CNTNAP5: variants seen among roughly 807,000 people sequenced by gnomAD.
CNTNAP5 encodes the protein contactin associated protein family member 5, also known as contactin-associated protein-like 5.
Under a neutral mutation model 150.2 loss-of-function variants are expected in CNTNAP5, and 72 were observed. The ratio of observed to expected loss-of-function variants is 0.48; its 90% CI spans 0.40 to 0.58. CNTNAP5 has a LOEUF of 0.58. Among genes scored for constraint, CNTNAP5 ranks in the 20% least tolerant of loss-of-function variants. The probability of loss-of-function intolerance (pLI) is 0.00; values close to 1 mark genes in which losing one functional copy is unlikely to be tolerated. For missense variants in CNTNAP5, 1,636 were observed against 1,626.2 expected, an observed-to-expected ratio of 1.01 and a Z score of -0.10; for synonymous variants, 672 against 619.8, an observed-to-expected ratio of 1.08 and a Z score of -1.25.
chr2:124,063,292 C>T (rs1379803354), intron 1 of CNTNAP5, among the ~76,000 whole-genome samples: 3 of 152,064 alleles, frequency 2.0e-5, no homozygotes, highest in African/African-American at 4.8e-5. Flanking sequence ...CCATCTCTGT[C>T]CATCTAGTTA....
intron 1 of CNTNAP5, among the ~76,000 whole-genome samples, chr2:124,204,292 T>C (rs1409872305): frequency 1.3e-5 from 2 of 152,198 alleles, no homozygotes; most frequent in Non-Finnish European, 1.5e-5. Flanking sequence ...CTCATCTTCA[T>C]CTGAGACCAC....
chr2:124,896,599 C>T (rs1678310240), intron 21 of CNTNAP5, among the ~76,000 whole-genome samples: 1 of 151,214 alleles, frequency 6.6e-6, no homozygotes, highest in African/African-American at 2.5e-5. Flanking sequence ...AGTGCAGTGG[C>T]CCAATCTCAG....
intron 1 of CNTNAP5, among the ~76,000 whole-genome samples, chr2:124,072,373 C>T (rs777006533): frequency 2.0e-5 from 3 of 151,774 alleles, no homozygotes; most frequent in Non-Finnish European, 4.4e-5. Flanking sequence ...ACTGGTAGTC[C>T]TAGCTAGAAC....
At chr2:124,879,608 T>C (rs1677927249) in intron 21 of CNTNAP5, among the ~76,000 whole-genome samples, 1 of 152,162 alleles carries the variant, frequency 6.6e-6, no homozygotes, top group Admixed American at 6.6e-5. Flanking sequence ...CTTGGTTTCC[T>C]CATCTGTAAA....
At chr2:124,038,887 G>T (rs1290902951) in intron 1 of CNTNAP5, among the ~76,000 whole-genome samples, 1 of 152,196 alleles carries the variant, frequency 6.6e-6, no homozygotes, top group East Asian at 1.9e-4. Flanking sequence ...CATGGTCCAT[G>T]CCTGGCTGGT....
intron 13 of CNTNAP5, among the ~76,000 whole-genome samples, chr2:124,669,573 T>C (rs1305844007): frequency 2.0e-5 from 3 of 152,178 alleles, no homozygotes; most frequent in African/African-American, 7.2e-5. Flanking sequence ...CAAATTTAGA[T>C]CTCCAGCCAA....
intron 1 of CNTNAP5, among the ~76,000 whole-genome samples, chr2:124,163,805 A>G (rs560493071): frequency 6.6e-6 from 1 of 152,174 alleles, no homozygotes; most frequent in African/African-American, 2.4e-5. Context: ...CTCTTCTTCC[A>G]TGAAGAACAA....
chr2:124,475,795 T>C (rs1693625697), intron 7 of CNTNAP5, among the ~76,000 whole-genome samples: 1 of 152,144 alleles, frequency 6.6e-6, no homozygotes, highest in Non-Finnish European at 1.5e-5. Context: ...GAAGTAAGTT[T>C]CTTGTAAACA....
At chr2:124,487,588 A>G (rs1164622972) in intron 7 of CNTNAP5, among the ~76,000 whole-genome samples, 1 of 152,018 alleles carries the variant, frequency 6.6e-6, no homozygotes, top group Non-Finnish European at 1.5e-5. Context: ...CAGCAGCCCC[A>G]GAAGATGACT....
At chr2:124,184,436 A>T (rs1472053017) in intron 1 of CNTNAP5, among the ~76,000 whole-genome samples, 1 of 152,198 alleles carries the variant, frequency 6.6e-6, no homozygotes, top group Non-Finnish European at 1.5e-5. Flanking sequence ...CTTTTCTTTC[A>T]GTATCAACAT....
At chr2:124,410,204 T>C (rs1394021719) in intron 3 of CNTNAP5, among the ~76,000 whole-genome samples, 5 of 149,482 alleles carry the variant, frequency 3.3e-5, no homozygotes, top group African/African-American at 1.2e-4. Context: ...ATGCACCCAA[T>C]ACAGGAGCAC....
chr2:124,609,169 T>C (rs935596260), intron 11 of CNTNAP5, among the ~76,000 whole-genome samples: 6 of 152,080 alleles, frequency 3.9e-5, no homozygotes, highest in Non-Finnish European at 8.8e-5. Flanking sequence ...AAGCTCAGTA[T>C]ACAGTGGGAG....
At chr2:124,175,790 C>T (rs1171038990) in intron 1 of CNTNAP5, among the ~76,000 whole-genome samples, 1 of 152,170 alleles carries the variant, frequency 6.6e-6, no homozygotes, top group Non-Finnish European at 1.5e-5. Context: ...GCAAAATATT[C>T]CATTGTGTAT....
Position 124,488,994 on chromosome 2 carries a change from T to C in CNTNAP5, c.1062+14112T>C, listed in dbSNP as rs558859628. ...GGACCTAATTAAAAAGAGCCCTGTG[T>C]GTGGCAGAAGATGTGGCTTCTCCAG... On this transcript the variant is annotated intron_variant, in intron 7 of 23. Coordinates refer to ENST00000682447, the MANE Select transcript of CNTNAP5 (RefSeq NM_001367498.1). Among the ~76,000 whole-genome samples the C allele has an allele frequency of 4.0e-4, 61 of 152,298 alleles. No homozygotes were observed. In the Middle Eastern group the frequency reaches 0.014, roughly 34 times the overall value.
At chr2:124,527,219 A>G (rs1162049345) in intron 9 of CNTNAP5, 66 bp from the exon 10 acceptor site, 3 of 1,430,378 alleles carry the variant, frequency 2.1e-6, no homozygotes, top group Non-Finnish European at 2.9e-6. Context: ...TCTTCCATCA[A>G]TAGGTCGCCA....
chr2:124,803,345 T>C (rs1040959370), intron 19 of CNTNAP5, among the ~76,000 whole-genome samples: 1 of 152,172 alleles, frequency 6.6e-6, no homozygotes, highest in African/African-American at 2.4e-5. Context: ...ATAAAGATTA[T>C]TTTTGATTGT....
intron 3 of CNTNAP5, among the ~76,000 whole-genome samples, chr2:124,305,817 G>A (rs1688675113): frequency 1.3e-5 from 2 of 152,142 alleles, no homozygotes; most frequent in Admixed American, 1.3e-4. Flanking sequence ...CCAGAATTGT[G>A]AGATATAAAT....
chr2:124,510,514 TATATACATATATCTCCATATATCA>T (rs1694561234), intron 8 of CNTNAP5, among the ~76,000 whole-genome samples: 1 of 123,698 alleles, frequency 8.1e-6, no homozygotes, highest in East Asian at 2.3e-4. Flanking sequence ...TATATATATA[TATATACATATATCTCCATATATCA>T]ACACACACAC....
chr2:124,139,792 T>C (rs2104614610), intron 1 of CNTNAP5, among the ~76,000 whole-genome samples: 1 of 152,294 alleles, frequency 6.6e-6, no homozygotes, highest in Non-Finnish European at 1.5e-5. Flanking sequence ...GGAGCCAAGA[T>C]GGCCGAATAG....
Sources: allele counts gnomAD v4.1 joint callset (sites outside exome capture counted in the v4.1 genomes callset), GRCh38; gene constraint gnomAD v4.1.1; transcripts MANE v1.5; gene names NCBI Gene and HGNC (gene_info 2026-07-23, HGNC 2026-07-21).